Variants in EVI5L observed in about 807,000 individuals in gnomAD.
The protein encoded by EVI5L is ecotropic viral integration site 5 like.
EVI5L carries 30 observed loss-of-function variants against 106.1 expected under a neutral mutation model. The observed-to-expected ratio is 0.28, with a 90% CI of 0.21 to 0.38. The LOEUF is 0.38. EVI5L is among the 10% of genes least tolerant of loss of function. The pLI, the probability that EVI5L is intolerant of heterozygous loss-of-function variation, is 1.00. For missense variants in EVI5L, 809 were observed against 1,098.0 expected, an observed-to-expected ratio of 0.74 and a Z score of 3.72; for synonymous variants, 489 against 483.3, an observed-to-expected ratio of 1.01 and a Z score of -0.15.
Position 7,863,540 on chromosome 19 carries a change from C to T in EVI5L, c.2256C>T (p.Gly752=), listed in dbSNP as rs1009051595. 1.3e-6 allele frequency: 2 copies of T among 1,599,380 alleles called. No homozygotes were observed. Among genetic ancestry groups the T allele is most frequent in the Non-Finnish European group, 1.7e-6 (2 of 1,173,934 alleles). The change falls in exon 20 of 20, where the codon GGC becomes GGT. Residue 752 remains glycine (G), a synonymous_variant. Transcript: ENST00000538904. This position sits in a 1 kb window ranked among gnomAD's most constrained non-coding sequence, Gnocchi z 7.7. ...CGTCGTCGGACGAGGAGCTACTTGG[C>T]GTAGGCGTGGGCGCTGCCCTGCAGG... ...SLPSSDEELL[G]VGVGAALQDA... is the part of the protein sequence containing the mutation.
intron 1 of EVI5L, among the ~76,000 whole-genome samples, chr19:7,842,819 ATG>A (rs1001899094): frequency 1.1e-4 from 16 of 149,890 alleles, no homozygotes; most frequent in South Asian, 4.2e-4. Context: ...GAGTGTGCAC[ATG>A]TGTGTGTGAA....
Position 7,847,851 on chromosome 19 carries a change from C to T in EVI5L, c.257C>T (p.Thr86Met). The change falls in exon 3 of 20, where the codon ACG (threonine) becomes ATG (methionine). Residue 86 changes from threonine (T) to methionine (M), a missense_variant. Transcript: ENST00000538904. ...AACCTGAGCCACCTGGAGGAGGACA[C>T]GTGGATCCTGTGGGGCCGGATCGCC... is the stretch of plus-strand genomic sequence containing the variant. ...SSNLSHLEEDTWILWGRIANE... is the reference protein window; with the variant it reads ...SSNLSHLEEDMWILWGRIANE... 1 of 1,606,894 alleles carries T rather than the reference C, an allele frequency of 6.2e-7. No individual in the cohort carries two copies.
At chr19:7,842,461 G>A in intron 1 of EVI5L, among the ~76,000 whole-genome samples, 1 of 150,446 alleles carries the variant, frequency 6.6e-6, no homozygotes, top group African/African-American at 2.4e-5. Context: ...GTGAATGTGT[G>A]TGTATCAAGT....
intron 14 of EVI5L, 64 bp from the exon 15 acceptor site, chr19:7,861,814 G>C (rs1194161692): frequency 6.5e-7 from 1 of 1,539,684 alleles, no homozygotes; most frequent in Non-Finnish European, 8.8e-7. Flanking sequence ...GGGGGCGTTT[G>C]TCCTGCAGGA....
intron 1 of EVI5L, among the ~76,000 whole-genome samples, chr19:7,837,822 G>A (rs1416887467): frequency 6.6e-6 from 1 of 152,074 alleles, no homozygotes; most frequent in Non-Finnish European, 1.5e-5. Flanking sequence ...TCCTGCCTCA[G>A]CCTCCCAAGT....
intron 1 of EVI5L, among the ~76,000 whole-genome samples, chr19:7,836,275 A>C (rs546376331): frequency 4.0e-4 from 61 of 152,238 alleles, no homozygotes; most frequent in Non-Finnish European, 7.5e-4. Flanking sequence ...GTAGGGGAGT[A>C]AGGGAAACAA....
intron 2 of EVI5L, among the ~76,000 whole-genome samples, chr19:7,847,022 C>T (rs367867043): frequency 2.0e-5 from 3 of 152,156 alleles, no homozygotes; most frequent in African/African-American, 4.8e-5. Flanking sequence ...TTAGGCTGGA[C>T]GTGGTGGCTC....
At position 7,857,005 on chromosome 19, in the gene EVI5L, T is replaced by C. The variant is rs1187774756; in HGVS notation, c.1201-87T>C. On this transcript the variant is annotated intron_variant, in intron 11 of 19. Transcript: ENST00000538904. The surrounding 1 kb of genome is among the most constrained non-coding windows in gnomAD (Gnocchi z 4.5). ...GATAGTCCACTGCGTTAGTGACAAGTGGTTCTTGTCTGTCTCCCCTCTCCT... is the reference window on the plus strand; with the variant it reads ...GATAGTCCACTGCGTTAGTGACAAGCGGTTCTTGTCTGTCTCCCCTCTCCT... 1 of 1,354,806 alleles carries C rather than the reference T, an allele frequency of 7.4e-7. No homozygotes were observed. Among genetic ancestry groups the C allele is most frequent in the Non-Finnish European group, 1.0e-6 (1 of 968,290 alleles). The allele number at this position is 1,354,806 out of a possible 1,614,324, so 83.9% of individuals were successfully genotyped here. A position where few individuals can be genotyped will look rare whatever the true frequency, so the allele number is the denominator to read the frequency against.
intron 1 of EVI5L, among the ~76,000 whole-genome samples, chr19:7,841,422 G>A (rs1387833904): frequency 6.6e-6 from 1 of 152,078 alleles, no homozygotes; most frequent in East Asian, 1.9e-4. Flanking sequence ...GGTGGGAGGG[G>A]GCTTAGGGAA....
Position 7,862,636 on chromosome 19 carries a change from C to G in EVI5L, c.1947+102C>G, listed in dbSNP as rs1464945749. Reference sequence around the variant, plus strand: ...CCGCCTCTGCCGGCGTCCTGCCTCCCGATCTGCCCCTGCCCGCGGTCCTCC... The same window carrying G: ...CCGCCTCTGCCGGCGTCCTGCCTCCGGATCTGCCCCTGCCCGCGGTCCTCC... On this transcript the variant is annotated intron_variant, in intron 17 of 19. Transcript: ENST00000538904. 5.5e-5 allele frequency: 60 copies of G among 1,094,082 alleles called. No individual in the cohort carries two copies. The East Asian group carries it at 9.1e-4, about 17-fold the overall frequency. The allele number at this position is 1,094,082 out of a possible 1,614,324, so 67.8% of individuals were successfully genotyped here.
In EVI5L at chr19:7,863,480, G is replaced by A; in HGVS notation, c.2196G>A (p.Leu732=). The A allele has an allele frequency of 6.4e-7, 1 of 1,573,902 alleles. No individual in the cohort carries two copies. Among genetic ancestry groups the A allele is most frequent in the Non-Finnish European group, 8.6e-7 (1 of 1,161,012 alleles). ...AGGACCCGCTGGCTTTCGATGGGCT[G>A]AGCCTGGCGCGGCACTTGGACGAGG... The part of the protein sequence containing the change: ...PFEDPLAFDG[L]SLARHLDEDS... The change falls in exon 20 of 20, where the codon CTG becomes CTA. Residue 732 remains leucine, a synonymous_variant. Transcript: ENST00000538904. The surrounding 1 kb of genome is among the most constrained non-coding windows in gnomAD (Gnocchi z 7.7).
At chr19:7,834,030 C>G (rs577822445) in intron 1 of EVI5L, among the ~76,000 whole-genome samples, 9 of 152,146 alleles carry the variant, frequency 5.9e-5, no homozygotes, top group Non-Finnish European at 1.3e-4. Context: ...CAGCATGCCA[C>G]GATATGCTTG....
chr19:7,847,802 G>A lies in EVI5L; in HGVS notation c.208G>A (p.Val70Met), dbSNP rs868044398. 6.2e-7 allele frequency: 1 copy of A among 1,613,096 alleles called. No homozygotes were observed. Among genetic ancestry groups the A allele is most frequent in the Non-Finnish European group, 8.5e-7 (1 of 1,179,754 alleles). Residue 70 changes from valine (V) to methionine (M), a missense_variant, in exon 3 of 20, where the codon GTG (valine) becomes ATG (methionine). Around this residue, in one of 2 missense-constraint regions of EVI5L, gnomAD observed 357 missense variants for 588.1 expected, o/e 0.61. Transcript: ENST00000538904. The stretch of plus-strand genomic sequence containing the variant: ...GCGGCGGAACAGTGGCTCCTCGCTA[G>A]TGTCCAGCTCCTCGGCCTCCTCCAA... Reference protein sequence around the residue: ...GSRRNSGSSLVSSSSASSNLS... With the variant: ...GSRRNSGSSLMSSSSASSNLS...
At chr19:7,846,735 C>T in intron 2 of EVI5L, 56 bp downstream of exon 2, 2 of 1,568,314 alleles carry the variant, frequency 1.3e-6, no homozygotes, top group Non-Finnish European at 1.7e-6. Flanking sequence ...TGGGCCCCCA[C>T]AGGAGTTCCC....
Position 7,863,778 on chromosome 19 carries a change from A to G in EVI5L, c.*76A>G, listed in dbSNP as rs1169602250. 8 of 1,411,618 alleles carry G rather than the reference A, an allele frequency of 5.7e-6. No individual in the cohort carries two copies. Among genetic ancestry groups the G allele is most frequent in the South Asian group, 3.1e-5 (2 of 65,084 alleles). 87.4% of individuals were successfully genotyped at this position (1,411,618 alleles called of 1,614,324 possible). On this transcript the variant is annotated 3_prime_UTR_variant, in exon 20 of 20. Transcript: ENST00000538904. The surrounding 1 kb of genome is among the most constrained non-coding windows in gnomAD (Gnocchi z 7.7). ...CCGGGCAGTCCGCGTTCTGCTCCCCACCTGCCGCACTTGACAAACTACGCG... is the reference window on the plus strand; with the variant it reads ...CCGGGCAGTCCGCGTTCTGCTCCCCGCCTGCCGCACTTGACAAACTACGCG...
intron 1 of EVI5L, among the ~76,000 whole-genome samples, chr19:7,834,659 TCCAATAGTGGGCTAGACAGCC>T (rs1363898025): frequency 3.3e-5 from 5 of 152,162 alleles, no homozygotes; most frequent in African/African-American, 1.2e-4. Flanking sequence ...ACTCTGAAGA[TCCAATAGTGGGCTAGACAGCC>T]CCAGCCCCTG....
rs546097015 is a variant in EVI5L, at chr19:7,843,672, A to T, written c.-47-2824A>T. Among the ~76,000 whole-genome samples the T allele has an allele frequency of 4.6e-4, 60 of 131,840 alleles. 1 individual carries two copies. The East Asian group carries it at 0.013, about 29-fold the overall frequency. 86.5% of individuals were successfully genotyped at this position (131,840 alleles called of 152,430 possible). A position where few individuals can be genotyped will look rare whatever the true frequency, so the allele number is the denominator to read the frequency against. On this transcript the variant is annotated intron_variant, in intron 1 of 19. Coordinates refer to ENST00000538904, the MANE Select transcript of EVI5L (RefSeq NM_001159944.3). ...TGTGTGCATGTGTGTGTATAGGTGT[A>T]TGAGTGTGTGTGTGTGAGAATAGGC...
At chr19:7,854,470 A>G (rs935261563) in intron 10 of EVI5L, among the ~76,000 whole-genome samples, 3 of 152,026 alleles carry the variant, frequency 2.0e-5, no homozygotes, top group Admixed American at 2.0e-4. Flanking sequence ...TCCAACAGAC[A>G]AGGATTCAAT....
intron 2 of EVI5L, 49 bp from the exon 3 acceptor site, chr19:7,847,683 C>A: frequency 6.3e-7 from 1 of 1,586,514 alleles, no homozygotes; most frequent in South Asian, 1.1e-5. Context: ...CCAAGGATCC[C>A]TGTCCCCAGG....
Sources: gnomAD v4.1 joint callset for allele counts (sites outside exome capture counted in the v4.1 genomes callset) on GRCh38, gnomAD v4.1.1 for gene constraint, gnomAD v4.1.1 regional missense constraint, Gnocchi (gnomAD v3.1) non-coding constraint, MANE v1.5 for transcripts, NCBI Gene and HGNC (gene_info 2026-07-23, HGNC 2026-07-21) for gene names.